The following ATP8A2 variants were observed in gnomAD, a reference collection of about 807,000 sequenced individuals.
ATP8A2 encodes phospholipid-transporting ATPase IB.
A neutral mutation model predicts 165.6 loss-of-function variants in ATP8A2; 100 were observed. The observed-to-expected ratio is 0.60, with a 90% CI of 0.51 to 0.71. The LOEUF is 0.71. Ranked by LOEUF, ATP8A2 falls within the 30% of genes least tolerant of loss-of-function variation. The pLI, the probability that ATP8A2 is intolerant of heterozygous loss-of-function variation, is 0.00. For missense variants in ATP8A2, 1,227 were observed against 1,479.5 expected, an observed-to-expected ratio of 0.83 and a Z score of 2.80; for synonymous variants, 543 against 548.8, an observed-to-expected ratio of 0.99 and a Z score of 0.15.
chr13:25,844,552 TAGG>T (rs1951816827), intron 30 of ATP8A2, among the ~76,000 whole-genome samples: 3 of 152,076 alleles, frequency 2.0e-5, no homozygotes, highest in African/African-American at 7.2e-5. Flanking sequence ...AATTGTCATT[TAGG>T]AGAATGTATA....
rs576660637 is a variant in ATP8A2 at position 25,645,684 on chromosome 13, C to T, written c.2212-53489C>T. 2.5e-4 allele frequency among the ~76,000 whole-genome samples: 38 copies of T among 151,844 alleles called. No individual in the cohort carries two copies. The South Asian group carries it at 5.2e-3, about 21-fold the overall frequency. On this transcript the variant is annotated intron_variant, in intron 24 of 36. Coordinates refer to ENST00000381655, the MANE Select transcript of ATP8A2 (RefSeq NM_016529.6). Reference sequence around the variant, plus strand: ...TTATTTATTGATCCATTGGTTGTTCCGAAGGATGTTTAATTTTTATGTATT... The same window carrying T: ...TTATTTATTGATCCATTGGTTGTTCTGAAGGATGTTTAATTTTTATGTATT...
intron 4 of ATP8A2, 59 bp from the exon 5 acceptor site, chr13:25,532,213 T>C: frequency 7.5e-7 from 1 of 1,335,346 alleles, no homozygotes; most frequent in Non-Finnish European, 1.1e-6. Context: ...TTGTTTGCTA[T>C]TTCAATTATT....
At chr13:25,807,302 A>C (rs1950763310) in intron 27 of ATP8A2, among the ~76,000 whole-genome samples, 1 of 152,104 alleles carries the variant, frequency 6.6e-6, no homozygotes, top group Non-Finnish European at 1.5e-5. Flanking sequence ...TCTTGTAGGA[A>C]TTCTATAGAT....
chr13:26,012,583 A>T lies in ATP8A2; in HGVS notation c.3430A>T (p.Thr1144Ser). The T allele has an allele frequency of 6.5e-7, 1 of 1,527,856 alleles. No individual in the cohort carries two copies. Among genetic ancestry groups the T allele is most frequent in the South Asian group, 1.2e-5 (1 of 80,292 alleles). The allele number at this position is 1,527,856 out of a possible 1,614,324, so 94.6% of individuals were successfully genotyped here. Residue 1144 changes from threonine to serine, a missense_variant, in exon 36 of 37, where the codon ACG becomes TCG. Around this residue, in one of 5 missense-constraint regions of ATP8A2, gnomAD observed 260 missense variants for 245.1 expected, o/e 1.06. Coordinates refer to ENST00000381655, the MANE Select transcript of ATP8A2 (RefSeq NM_016529.6). ...GAGGCTGGGCCGGAAGACGCCCCCG[A>T]CGCTGTTCCGGGGCAGCTCCCTGCA... ...IKRLGRKTPPTLFRGSSLQQG... is the reference protein window; with the variant it reads ...IKRLGRKTPPSLFRGSSLQQG...
At chr13:25,408,667 G>GTCCTTA (rs2033879567) in intron 1 of ATP8A2, among the ~76,000 whole-genome samples, 1 of 105,228 alleles carries the variant, frequency 9.5e-6, no homozygotes, top group African/African-American at 2.9e-5. Context: ...TCTACACTAA[G>GTCCTTA]CCCTAAACTC....
At chr13:25,449,088 T>C (rs1278999221) in intron 1 of ATP8A2, among the ~76,000 whole-genome samples, 1 of 152,192 alleles carries the variant, frequency 6.6e-6, no homozygotes, top group Admixed American at 6.5e-5. Context: ...AAAGAACCAA[T>C]TCTGACTTTA....
intron 35 of ATP8A2, among the ~76,000 whole-genome samples, chr13:25,974,889 G>A (rs571273843): frequency 6.6e-6 from 1 of 152,220 alleles, no homozygotes; most frequent in Non-Finnish European, 1.5e-5. Context: ...TCCCACAGCT[G>A]AAGACATCCT....
intron 36 of ATP8A2, among the ~76,000 whole-genome samples, chr13:26,019,396 CAAAT>C (rs1476717594): frequency 1.3e-5 from 2 of 152,190 alleles, no homozygotes; most frequent in Non-Finnish European, 1.5e-5. Flanking sequence ...GACTCTGTCT[CAAAT>C]AAATAAACAG....
At chr13:25,746,145 T>C (rs1254695311) in intron 25 of ATP8A2, among the ~76,000 whole-genome samples, 1 of 152,204 alleles carries the variant, frequency 6.6e-6, no homozygotes, top group Non-Finnish European at 1.5e-5. Flanking sequence ...TTCATATGAG[T>C]TGTTTCTCCA....
intron 24 of ATP8A2, among the ~76,000 whole-genome samples, chr13:25,628,091 T>C (rs2041148485): frequency 6.6e-6 from 1 of 152,178 alleles, no homozygotes; most frequent in Non-Finnish European, 1.5e-5. Context: ...CTTTACTGTT[T>C]AATGGTGTCA....
intron 25 of ATP8A2, among the ~76,000 whole-genome samples, chr13:25,730,190 C>A (rs1298697921): frequency 6.6e-6 from 1 of 152,134 alleles, no homozygotes; most frequent in Admixed American, 6.5e-5. Context: ...ACTCTGGAGG[C>A]TCAGTTGGGA....
intron 1 of ATP8A2, among the ~76,000 whole-genome samples, chr13:25,396,027 A>T (rs760783440): frequency 8.6e-5 from 13 of 152,024 alleles, no homozygotes; most frequent in Non-Finnish European, 1.8e-4. Flanking sequence ...TATTTTTAGT[A>T]AAGAGGGGGT....
At chr13:25,640,507 A>G (rs1485777653) in intron 24 of ATP8A2, among the ~76,000 whole-genome samples, 1 of 152,236 alleles carries the variant, frequency 6.6e-6, no homozygotes. Flanking sequence ...AGTCTAGAAG[A>G]AATGGATAAA....
intron 1 of ATP8A2, among the ~76,000 whole-genome samples, chr13:25,384,510 C>G (rs891571045): frequency 1.5e-4 from 23 of 152,146 alleles, no homozygotes; most frequent in African/African-American, 5.3e-4. Context: ...TCTCTTTGTG[C>G]CCCATTTTTG....
chr13:25,761,654 G>GTATA (rs71077497), intron 25 of ATP8A2, among the ~76,000 whole-genome samples: 3 of 148,966 alleles, frequency 2.0e-5, no homozygotes, highest in Non-Finnish European at 3.0e-5. Flanking sequence ...TATTAGCACA[G>GTATA]TATATATATA....
rs139103431 is a variant in ATP8A2 at position 25,605,713 on chromosome 13, A to G, written c.2211+16014A>G. 5.3e-3 allele frequency among the ~76,000 whole-genome samples: 805 copies of G among 152,292 alleles called. 9 individuals carry two copies. Among genetic ancestry groups the G allele is most frequent in the South Asian group, 0.02 (98 of 4,822 alleles). ...TGTATCTCTAGATCAACTAATATGT[A>G]GCTGCAGCTCGGTTTTAGAGAACTA... On this transcript the variant is annotated intron_variant, in intron 24 of 36. Coordinates refer to ENST00000381655, the MANE Select transcript of ATP8A2 (RefSeq NM_016529.6).
rs188619836 is a variant in ATP8A2, at chr13:25,772,771, T to A, written c.2569-2078T>A. Among the ~76,000 whole-genome samples the A allele has an allele frequency of 2.0e-4, 30 of 152,012 alleles. 1 individual carries two copies. The highest frequency in any genetic ancestry group is 8.5e-4 in the Admixed American group (13 of 15,276). On this transcript the variant is annotated intron_variant, in intron 26 of 36. Transcript: ENST00000381655. ...TTATTTATTTATTTATTATTTTTTT[T>A]ATTCAGAGTTTCACTCATGTTGCCC... is the stretch of plus-strand genomic sequence containing the variant.
intron 24 of ATP8A2, among the ~76,000 whole-genome samples, chr13:25,649,819 C>A (rs934954491): frequency 1.3e-5 from 2 of 152,160 alleles, no homozygotes; most frequent in Admixed American, 1.3e-4. Flanking sequence ...CTTTCCACCT[C>A]TTCCAGGAGT....
chr13:25,381,457 G>A lies in ATP8A2; in HGVS notation c.76+9169G>A, dbSNP rs2032834073. On this transcript the variant is annotated intron_variant, in intron 1 of 36. Transcript: ENST00000381655. ...ACCATTAGGTTGTGAGTGGCTCTGA[G>A]TCCTGCTAGGAAGACAAAGGTAGGT... is the stretch of plus-strand genomic sequence containing the variant. Among the ~76,000 whole-genome samples the A allele has an allele frequency of 2.0e-5, 3 of 152,246 alleles. No individual in the cohort carries two copies. The South Asian group carries it at 6.2e-4, about 31-fold the overall frequency.
Sources: allele counts gnomAD v4.1 joint callset (sites outside exome capture counted in the v4.1 genomes callset), GRCh38; gene constraint gnomAD v4.1.1; regional missense constraint gnomAD v4.1.1; transcripts MANE v1.5; gene names NCBI Gene and HGNC (gene_info 2026-07-23, HGNC 2026-07-21).